The following PLD5 variants were observed in gnomAD, a reference collection of about 807,000 sequenced individuals.
PLD5 encodes inactive phospholipase D5.
Under a neutral mutation model 61.1 loss-of-function variants are expected in PLD5, and 36 were observed. The ratio of observed to expected loss-of-function variants is 0.59; its 90% CI spans 0.45 to 0.78. The LOEUF is 0.78. PLD5 is among the 30% of genes least tolerant of loss of function. The pLI, the probability that PLD5 is intolerant of heterozygous loss-of-function variation, is 0.00. For synonymous variants in PLD5, 243 were observed against 242.8 expected (o/e 1.00, Z -0.01); for missense variants, 515 against 644.4 (o/e 0.80, Z 2.17).
intron 1 of PLD5, among the ~76,000 whole-genome samples, chr1:242,352,609 T>A (rs964397390): frequency 2.5e-4 from 38 of 152,156 alleles, no homozygotes; most frequent in Non-Finnish European, 4.7e-4. Flanking sequence ...ATTTTTAGTT[T>A]TTTGAGGAAT....
In PLD5 at chr1:242,524,326, C is replaced by CGCGGGGAGCCGGGCGCGGAGGGCGA; in HGVS notation, c.-75_-51dup. On this transcript the variant is annotated 5_prime_UTR_variant, in exon 1 of 10. Coordinates refer to ENST00000536534, the MANE Select transcript of PLD5 (RefSeq NM_001372062.1). The stretch of plus-strand genomic sequence containing the variant: ...GCGAGCAGCGGACTCGGGACGGGCG[C>CGCGGGGAGCCGGGCGCGGAGGGCGA]GCGGGGAGCCGGGCGCGGAGGGCGA... 7.4e-7 allele frequency: 1 copy of CGCGGGGAGCCGGGCGCGGAGGGCGA among 1,351,532 alleles called. No individual in the cohort carries two copies. The highest frequency in any genetic ancestry group is 9.4e-7 in the Non-Finnish European group (1 of 1,058,764). 83.7% of individuals were successfully genotyped at this position (1,351,532 alleles called of 1,614,324 possible). A position where few individuals can be genotyped will look rare whatever the true frequency, so the allele number is the denominator to read the frequency against.
intron 5 of PLD5, among the ~76,000 whole-genome samples, chr1:242,144,807 T>C (rs1664433653): frequency 6.6e-6 from 1 of 151,766 alleles, no homozygotes; most frequent in African/African-American, 2.4e-5. Context: ...ATAAAGAGAA[T>C]GGAAAGAGAC....
At chr1:242,099,093 C>T (rs1660481306) in intron 9 of PLD5, among the ~76,000 whole-genome samples, 1 of 152,078 alleles carries the variant, frequency 6.6e-6, no homozygotes, top group African/African-American at 2.4e-5. Flanking sequence ...AGCTGTCAGA[C>T]AGGGACATTT....
intron 1 of PLD5, among the ~76,000 whole-genome samples, chr1:242,429,946 C>CCCA (rs1221467872): frequency 7.2e-5 from 11 of 152,160 alleles, no homozygotes; most frequent in African/African-American, 1.2e-4. Context: ...AACTCATGCC[C>CCCA]CAACACAGAC....
intron 5 of PLD5, among the ~76,000 whole-genome samples, chr1:242,129,537 T>C (rs1663065692): frequency 6.6e-6 from 1 of 152,210 alleles, no homozygotes; most frequent in Non-Finnish European, 1.5e-5. Flanking sequence ...TTTAAAATGC[T>C]GGCAATGGGA....
chr1:242,430,556 A>G (rs1394060), intron 1 of PLD5, among the ~76,000 whole-genome samples: 39,825 of 151,984 alleles, frequency 0.26, 5,529 homozygotes, highest in Admixed American at 0.31. Context: ...ACACCCAGAA[A>G]TGAGCATGAA....
chr1:242,107,950 A>T (rs1200022670), intron 7 of PLD5, 111 bp from the exon 8 acceptor site: 1 of 1,068,862 alleles, frequency 9.4e-7, no homozygotes, highest in African/African-American at 1.6e-5. Context: ...TTATCCTGTA[A>T]TATATATAAG....
intron 5 of PLD5, among the ~76,000 whole-genome samples, chr1:242,191,808 G>A (rs924474395): frequency 1.3e-5 from 2 of 151,830 alleles, no homozygotes; most frequent in African/African-American, 4.8e-5. Flanking sequence ...GGGAAACAGA[G>A]GTACAGAGAG....
At chr1:242,497,477 T>A (rs1235711576) in intron 1 of PLD5, among the ~76,000 whole-genome samples, 1 of 152,098 alleles carries the variant, frequency 6.6e-6, no homozygotes, top group African/African-American at 2.4e-5. Context: ...ATCCTTTGTG[T>A]GTGTGTATGG....
chr1:242,399,116 C>T (rs1049980944), intron 1 of PLD5, among the ~76,000 whole-genome samples: 1 of 152,146 alleles, frequency 6.6e-6, no homozygotes, highest in African/African-American at 2.4e-5. Flanking sequence ...GCTAACCCTT[C>T]GCTCAATAAT....
At chr1:242,342,604 T>C (rs559019097) in intron 2 of PLD5, among the ~76,000 whole-genome samples, 9 of 152,326 alleles carry the variant, frequency 5.9e-5, no homozygotes, top group Admixed American at 5.2e-4. Context: ...CCTACTGACA[T>C]GTAGGTTACT....
intron 1 of PLD5, among the ~76,000 whole-genome samples, chr1:242,400,198 A>G (rs979390915): frequency 1.3e-4 from 20 of 152,074 alleles, no homozygotes; most frequent in Non-Finnish European, 2.9e-5. Flanking sequence ...GAAAAAAAAA[A>G]AAGAATCTAA....
At chr1:242,389,138 G>A (rs866777291) in intron 1 of PLD5, among the ~76,000 whole-genome samples, 39 of 151,724 alleles carry the variant, frequency 2.6e-4, no homozygotes, top group African/African-American at 8.7e-4. Context: ...ATAATAACAC[G>A]AGTCTGGAAG....
intron 1 of PLD5, among the ~76,000 whole-genome samples, chr1:242,495,117 T>C (rs754818439): frequency 2.0e-5 from 3 of 152,122 alleles, no homozygotes; most frequent in African/African-American, 7.2e-5. Context: ...CTGAAACCCA[T>C]ACTTAGCAGA....
chr1:242,221,587 G>C (rs762022465), intron 4 of PLD5, among the ~76,000 whole-genome samples: 1 of 152,196 alleles, frequency 6.6e-6, no homozygotes, highest in Non-Finnish European at 1.5e-5. Context: ...GAATCTCTGA[G>C]GGGAAGACAG....
rs1268513342 is a variant in PLD5, at chr1:242,088,558, C to T, written c.*1296G>A. On this transcript the variant is annotated 3_prime_UTR_variant, in exon 10 of 10. Transcript: ENST00000536534. ...TACCGTCTACATTACCAAGAGAAGC[C>T]CGAGGCCAAGCAGTGAGGGGCTCCG... 1 of 152,170 alleles carries T rather than the reference C, an allele frequency of 6.6e-6. No individual in the cohort carries two copies. Among genetic ancestry groups the T allele is most frequent in the African/African-American group, 2.4e-5 (1 of 41,440 alleles). 9.4% of individuals were successfully genotyped at this position (152,170 alleles called of 1,614,324 possible).
chr1:242,174,248 A>G lies in PLD5; in HGVS notation c.735+45740T>C, dbSNP rs1337813846. ...CAAAAAGTGGGTGAAGGATATGAAC[A>G]GACACTTCTCAAAAGAAGACATTTA... is the stretch of plus-strand genomic sequence containing the variant. On this transcript the variant is annotated intron_variant, in intron 5 of 9. Coordinates refer to ENST00000536534, the MANE Select transcript of PLD5 (RefSeq NM_001372062.1). Among the ~76,000 whole-genome samples, 229 of 152,364 alleles carry G rather than the reference A, an allele frequency of 1.5e-3. 1 individual carries two copies. Among genetic ancestry groups the G allele is most frequent in the Non-Finnish European group, 1.3e-4 (9 of 68,038 alleles).
At chr1:242,095,067 C>G (rs7528259) in intron 9 of PLD5, among the ~76,000 whole-genome samples, 35,642 of 151,454 alleles carry the variant, frequency 0.24, 4,310 homozygotes, top group South Asian at 0.32. Flanking sequence ...CTCCTGTGTA[C>G]CTGGGACTAC....
chr1:242,421,128 C>G (rs949110356), intron 1 of PLD5, among the ~76,000 whole-genome samples: 1 of 143,004 alleles, frequency 7.0e-6, no homozygotes, highest in Non-Finnish European at 1.5e-5. Flanking sequence ...TGCAGTGATC[C>G]GAGATCACGC....
Sources: gnomAD v4.1 joint callset for allele counts (sites outside exome capture counted in the v4.1 genomes callset) on GRCh38, gnomAD v4.1.1 for gene constraint, MANE v1.5 for transcripts, NCBI Gene and HGNC (gene_info 2026-07-23, HGNC 2026-07-21) for gene names.